The following ARHGAP44 variants were observed in gnomAD, a reference collection of about 807,000 sequenced individuals.
The protein encoded by ARHGAP44 is Rho GTPase activating protein 44.
Under a neutral mutation model 106.8 loss-of-function variants are expected in ARHGAP44, and 43 were observed. The ratio of observed to expected loss-of-function variants is 0.40; its 90% CI spans 0.32 to 0.52. The LOEUF (loss-of-function observed/expected upper bound fraction) is 0.52. ARHGAP44 is among the 20% of genes least tolerant of loss of function. The pLI, the probability that ARHGAP44 is intolerant of heterozygous loss-of-function variation, is 0.48. For synonymous variants in ARHGAP44, 439 were observed against 410.3 expected (o/e 1.07, Z -0.85); for missense variants, 866 against 1,050.5 (o/e 0.82, Z 2.43).
intron 18 of ARHGAP44, among the ~76,000 whole-genome samples, chr17:12,978,751 C>A (rs1419334667): frequency 6.7e-6 from 1 of 148,954 alleles, no homozygotes; most frequent in African/African-American, 2.5e-5. Flanking sequence ...TGCAGTGGCA[C>A]GATCTCAGCT....
chr17:12,870,309 T>C (rs2036373439), intron 1 of ARHGAP44, among the ~76,000 whole-genome samples: 1 of 152,094 alleles, frequency 6.6e-6, no homozygotes, highest in African/African-American at 2.4e-5. Flanking sequence ...CTCAGTACTG[T>C]GGGATTACAG....
chr17:12,909,692 A>G (rs1039539820), intron 4 of ARHGAP44, among the ~76,000 whole-genome samples: 1 of 152,176 alleles, frequency 6.6e-6, no homozygotes. Context: ...TAAACTGAGA[A>G]ACATGGGTGA....
In ARHGAP44 at chr17:12,928,924, A is replaced by G; in HGVS notation, c.465-5A>G. ...CACATCTCTTTTTCTCCTATTTTCCATCAGGTGGCAGCAGACTTCCAAGTC... is the reference window on the plus strand; with the variant it reads ...CACATCTCTTTTTCTCCTATTTTCCGTCAGGTGGCAGCAGACTTCCAAGTC... On this transcript the variant is annotated splice_region_variant and splice_polypyrimidine_tract_variant and intron_variant, in intron 6 of 20. Coordinates refer to ENST00000379672, the MANE Select transcript of ARHGAP44 (RefSeq NM_014859.6). 6.2e-7 allele frequency: 1 copy of G among 1,608,814 alleles called. No homozygotes were observed. Among genetic ancestry groups the G allele is most frequent in the Non-Finnish European group, 8.5e-7 (1 of 1,177,596 alleles).
At chr17:12,937,498 G>T (rs200666552) in intron 7 of ARHGAP44, among the ~76,000 whole-genome samples, 1 of 152,124 alleles carries the variant, frequency 6.6e-6, no homozygotes, top group Admixed American at 6.5e-5. Flanking sequence ...ACTGATTTCC[G>T]CAGAGGTTTC....
At chr17:12,978,202 A>G (rs968674347) in intron 18 of ARHGAP44, among the ~76,000 whole-genome samples, 1 of 152,112 alleles carries the variant, frequency 6.6e-6, no homozygotes, top group African/African-American at 2.4e-5. Context: ...TGATTGGTTG[A>G]CTGGCCTTCC....
chr17:12,891,732 AC>A (rs1463093096), intron 1 of ARHGAP44, among the ~76,000 whole-genome samples: 2 of 150,952 alleles, frequency 1.3e-5, no homozygotes, highest in Admixed American at 1.3e-4. Flanking sequence ...TCATTATTTT[AC>A]CGGTTTAAGT....
chr17:12,976,339 A>G (rs970424831), intron 18 of ARHGAP44, among the ~76,000 whole-genome samples: 2 of 152,008 alleles, frequency 1.3e-5, no homozygotes, highest in African/African-American at 4.8e-5. Context: ...ACGGCCGGGC[A>G]CGGTGGCTCA....
At chr17:12,860,289 A>T (rs1010075261) in intron 1 of ARHGAP44, among the ~76,000 whole-genome samples, 11 of 152,200 alleles carry the variant, frequency 7.2e-5, no homozygotes, top group African/African-American at 2.7e-4. Flanking sequence ...TACTTTAAAG[A>T]ATTCCTTATA....
At chr17:12,918,898 C>T (rs1425874469) in intron 5 of ARHGAP44, among the ~76,000 whole-genome samples, 1 of 152,156 alleles carries the variant, frequency 6.6e-6, no homozygotes. Context: ...CAGAGAAGCA[C>T]AGGACCTGTG....
chr17:12,840,474 A>G (rs936982939), intron 1 of ARHGAP44, among the ~76,000 whole-genome samples: 2 of 152,152 alleles, frequency 1.3e-5, no homozygotes, highest in Non-Finnish European at 2.9e-5. Flanking sequence ...TCATCTCATC[A>G]GTCTTTTAGT....
intron 1 of ARHGAP44, among the ~76,000 whole-genome samples, chr17:12,808,841 T>C (rs1048668376): frequency 3.9e-5 from 6 of 152,240 alleles, no homozygotes; most frequent in Non-Finnish European, 7.3e-5. Context: ...TCTTGCATCA[T>C]GAGGCTGCAA....
intron 1 of ARHGAP44, among the ~76,000 whole-genome samples, chr17:12,821,388 A>T (rs2034766531): frequency 6.6e-6 from 1 of 152,192 alleles, no homozygotes; most frequent in African/African-American, 2.4e-5. Flanking sequence ...TTCACAAAAT[A>T]AAAAAGTTCT....
intron 16 of ARHGAP44, among the ~76,000 whole-genome samples, chr17:12,962,490 A>C (rs989523177): frequency 1.3e-5 from 2 of 152,234 alleles, no homozygotes; most frequent in African/African-American, 4.8e-5. Flanking sequence ...TGATTAAAAT[A>C]AGGATCTCGA....
intron 1 of ARHGAP44, among the ~76,000 whole-genome samples, chr17:12,848,819 G>T (rs1458858326): frequency 6.6e-6 from 1 of 152,086 alleles, no homozygotes; most frequent in Non-Finnish European, 1.5e-5. Context: ...GGCCAAGGTG[G>T]GCGGATCACC....
At chr17:12,978,035 T>TAAAAAAAAAAAAAAAAAAAAAAAAAAA (rs757585682) in intron 18 of ARHGAP44, among the ~76,000 whole-genome samples, 582 of 55,380 alleles carry the variant, frequency 0.011, 137 homozygotes, top group African/African-American at 0.026. Context: ...AGACTCCATC[T>TAAAAAAAAAAAAAAAAAAAAAAAAAAA]CAAAAAAAAA....
intron 5 of ARHGAP44, among the ~76,000 whole-genome samples, chr17:12,919,243 C>T (rs909825630): frequency 3.9e-5 from 6 of 152,090 alleles, no homozygotes; most frequent in South Asian, 2.1e-4. Context: ...ACCATTAAAC[C>T]GTACACCTGA....
intron 1 of ARHGAP44, among the ~76,000 whole-genome samples, chr17:12,804,457 A>ATGG (rs1427066622): frequency 6.6e-6 from 1 of 152,168 alleles, no homozygotes; most frequent in African/African-American, 2.4e-5. Flanking sequence ...TGGCGAAGGG[A>ATGG]TGGGTACCTG....
intron 10 of ARHGAP44, among the ~76,000 whole-genome samples, chr17:12,944,482 C>T (rs1395078868): frequency 6.7e-6 from 1 of 149,850 alleles, no homozygotes; most frequent in Non-Finnish European, 1.5e-5. Flanking sequence ...TTTGGGCATT[C>T]TGCTATTTTT....
chr17:12,915,447 T>C (rs1158592522), intron 4 of ARHGAP44, among the ~76,000 whole-genome samples: 1 of 152,250 alleles, frequency 6.6e-6, no homozygotes, highest in African/African-American at 2.4e-5. Flanking sequence ...GGATTTTTTT[T>C]CATTGGATAA....
Sources: gnomAD v4.1 joint callset for allele counts (sites outside exome capture counted in the v4.1 genomes callset) on GRCh38, gnomAD v4.1.1 for gene constraint, MANE v1.5 for transcripts, NCBI Gene and HGNC (gene_info 2026-07-23, HGNC 2026-07-21) for gene names.